Variants in TUBB2A observed in about 807,000 individuals in gnomAD.
TUBB2A encodes tubulin beta 2A class IIa.
In TUBB2A, 7 loss-of-function variants were observed where a neutral mutation model predicts 33.9. The observed-to-expected ratio is 0.21, with a 90% CI of 0.12 to 0.39. The LOEUF is 0.39. TUBB2A is among the 10% of genes least tolerant of loss of function. The pLI, the probability that TUBB2A is intolerant of heterozygous loss-of-function variation, is 1.00. For synonymous variants in TUBB2A, 187 were observed against 247.6 expected, an observed-to-expected ratio of 0.76 and a Z score of 2.30; for missense variants, 80 against 593.4, an observed-to-expected ratio of 0.13 and a Z score of 8.99.
intron 1 of TUBB2A, among the ~76,000 whole-genome samples, chr6:3,156,899 C>T (rs930965239): frequency 1.3e-5 from 2 of 152,220 alleles, no homozygotes; most frequent in African/African-American, 4.8e-5. Context: ...GCGCAGTCAC[C>T]TGCCGCCTCG....
In TUBB2A at chr6:3,155,802, G is replaced by C; in HGVS notation, c.167-67C>G. On this transcript the variant is annotated intron_variant, in intron 2 of 3. Coordinates refer to ENST00000333628, the MANE Select transcript of TUBB2A (RefSeq NM_001069.3). The surrounding 1 kb of genome is among the most constrained non-coding windows in gnomAD (Gnocchi z 4.2). ...GGACTCACAGCAGCATTCAATTCCAGCATCTGAGACAAAAGGAGAACAGGA... is the reference window on the plus strand; with the variant it reads ...GGACTCACAGCAGCATTCAATTCCACCATCTGAGACAAAAGGAGAACAGGA... 7 of 1,432,436 alleles carry C rather than the reference G, an allele frequency of 4.9e-6. No individual in the cohort carries two copies. Among genetic ancestry groups the C allele is most frequent in the Non-Finnish European group, 6.8e-6 (7 of 1,030,108 alleles). The allele number at this position is 1,432,436 out of a possible 1,614,324, so 88.7% of individuals were successfully genotyped here.
At position 3,154,721 on chromosome 6, in the gene TUBB2A, T is replaced by C. The variant is rs1762602282; in HGVS notation, c.480A>G (p.Pro160=). The C allele has an allele frequency of 1.2e-6, 2 of 1,612,030 alleles. No homozygotes were observed. The highest frequency in any genetic ancestry group is 1.7e-5 in the Admixed American group (1 of 59,936). Residue 160 remains proline, a synonymous_variant, in exon 4 of 4, where the codon CCA becomes CCG. Transcript: ENST00000333628. The stretch of plus-strand genomic sequence containing the variant: ...CGCTGAAGGTGTTCATGATGCGGTC[T>C]GGGTACTCTTCCCGGATCTTGCTGA... ...LLISKIREEY[P]DRIMNTFSVM... is the part of the protein sequence containing the mutation.
chr6:3,153,870 T>A lies in TUBB2A; in HGVS notation c.1331A>T (p.Glu444Val), dbSNP rs765549114. 6.2e-6 allele frequency: 10 copies of A among 1,614,014 alleles called. No individual in the cohort carries two copies. In the Admixed American group the frequency reaches 1.5e-4, roughly 24 times the overall value. Reference sequence around the variant, plus strand: ...GATTGATCTGAGAAGTTTTTAAGCCTCGTCCTCGCCCTCCTCCTCCTCGAA... The same window carrying A: ...GATTGATCTGAGAAGTTTTTAAGCCACGTCCTCGCCCTCCTCCTCCTCGAA... ...GEFEEEEGED[E>V]A The change falls in exon 4 of 4, where the codon GAG (glutamate) becomes GTG (valine). Residue 444 changes from glutamate (E) to valine (V), a missense_variant. By Grantham distance (121) the Glu-to-Val change is moderately radical. Coordinates refer to ENST00000333628, the MANE Select transcript of TUBB2A (RefSeq NM_001069.3).
Position 3,155,824 on chromosome 6 carries a change from A to G in TUBB2A, c.167-89T>C. 2.2e-6 allele frequency: 3 copies of G among 1,367,766 alleles called. No homozygotes were observed. The South Asian group carries it at 4.0e-5, about 18-fold the overall frequency. The allele number at this position is 1,367,766 out of a possible 1,614,324, so 84.7% of individuals were successfully genotyped here. On this transcript the variant is annotated intron_variant, in intron 2 of 3. Coordinates refer to ENST00000333628, the MANE Select transcript of TUBB2A (RefSeq NM_001069.3). This position sits in a 1 kb window ranked among gnomAD's most constrained non-coding sequence, Gnocchi z 4.2. Reference sequence around the variant, plus strand: ...CCAGCATCTGAGACAAAAGGAGAACAGGAGATTTTCTGCTTTTAAGAAAAA... The same window carrying G: ...CCAGCATCTGAGACAAAAGGAGAACGGGAGATTTTCTGCTTTTAAGAAAAA...
Position 3,154,484 on chromosome 6 carries a change from G to A in TUBB2A, c.717C>T (p.Cys239=), listed in dbSNP as rs1399672793. The change falls in exon 4 of 4, where the codon TGC becomes TGT. Residue 239 remains cysteine, a synonymous_variant. Coordinates refer to ENST00000333628, the MANE Select transcript of TUBB2A (RefSeq NM_001069.3). ...CGTTCAGCTGGCCCGGGAAGCGCAG[G>A]CAGGTGGTGACCCCGCTCATGGTGG... The part of the protein sequence containing the change: ...VSATMSGVTT[C]LRFPGQLNAD... The A allele has an allele frequency of 2.5e-6, 4 of 1,601,460 alleles. No individual in the cohort carries two copies. Among genetic ancestry groups the A allele is most frequent in the East Asian group, 4.5e-5 (2 of 44,328 alleles).
Position 3,157,487 on chromosome 6 carries a change from C to T in TUBB2A, c.-24G>A, listed in dbSNP as rs746957279. On this transcript the variant is annotated 5_prime_UTR_variant, in exon 1 of 4. Coordinates refer to ENST00000333628, the MANE Select transcript of TUBB2A (RefSeq NM_001069.3). ...ATGGTGCCGGCTGCGGAGCGGGTGG[C>T]GCTGGCCCTCGGAGCGGTGCGCGGC... 13 of 1,502,208 alleles carry T rather than the reference C, an allele frequency of 8.7e-6. No homozygotes were observed. The South Asian group carries it at 1.2e-4, about 14-fold the overall frequency. The allele number at this position is 1,502,208 out of a possible 1,614,324, so 93.1% of individuals were successfully genotyped here.
chr6:3,156,963 G>A (rs1762647061), intron 1 of TUBB2A, among the ~76,000 whole-genome samples: 1 of 152,212 alleles, frequency 6.6e-6, no homozygotes, highest in African/African-American at 2.4e-5. Flanking sequence ...GACAGTGCCC[G>A]AGCAAGGGAA....
At position 3,155,095 on chromosome 6, in the gene TUBB2A, CTG is replaced by C; in HGVS notation, c.278-174_278-173del. 6.9e-7 allele frequency: 1 copy of C among 1,459,266 alleles called. No individual in the cohort carries two copies. The highest frequency in any genetic ancestry group is 9.1e-7 in the Non-Finnish European group (1 of 1,098,522). The allele number at this position is 1,459,266 out of a possible 1,614,324, so 90.4% of individuals were successfully genotyped here. A position where few individuals can be genotyped will look rare whatever the true frequency, so the allele number is the denominator to read the frequency against. On this transcript the variant is annotated intron_variant, in intron 3 of 3. Transcript: ENST00000333628. The surrounding 1 kb of genome is among the most constrained non-coding windows in gnomAD (Gnocchi z 4.2). ...TTCTATGTCAGTGACCTCAAAAACA[CTG>C]GGGATCATAATAAAGTAAGAAGTAA...
In TUBB2A at chr6:3,156,135, G is replaced by A. The variant is rs1762628220; in HGVS notation, c.75C>T (p.Ser25=). The change falls in exon 2 of 4, where the codon AGC becomes AGT. Residue 25 remains serine (S), a synonymous_variant. Coordinates refer to ENST00000333628, the MANE Select transcript of TUBB2A (RefSeq NM_001069.3). ...QIGAKFWEVI[S]DEHGIDPTGS... The stretch of plus-strand genomic sequence containing the variant: ...CTGTGGGGTCGATCCCATGCTCATC[G>A]CTGATGACCTCCCAAAACTGAAATG... 2 of 1,613,760 alleles carry A rather than the reference G, an allele frequency of 1.2e-6. No homozygotes were observed. Among genetic ancestry groups the A allele is most frequent in the South Asian group, 1.1e-5 (1 of 91,058 alleles).
intron 1 of TUBB2A, 39 bp downstream of exon 1, chr6:3,157,368 C>T (rs1167326927): frequency 1.4e-6 from 2 of 1,460,662 alleles, no homozygotes; most frequent in East Asian, 6.2e-5. Context: ...CCCGCACCCT[C>T]GGTCCCAACC....
chr6:3,155,574 T>C lies in TUBB2A; in HGVS notation c.277+51A>G, dbSNP rs762885759. ...TAAGAACTGTGCTTTGCAGGGCTGTTAGGAAGAAGGTGTGTCATTTGGCCA... is the reference window on the plus strand; with the variant it reads ...TAAGAACTGTGCTTTGCAGGGCTGTCAGGAAGAAGGTGTGTCATTTGGCCA... On this transcript the variant is annotated intron_variant, in intron 3 of 3. Transcript: ENST00000333628. This position sits in a 1 kb window ranked among gnomAD's most constrained non-coding sequence, Gnocchi z 4.2. The C allele has an allele frequency of 3.5e-6, 5 of 1,424,658 alleles. No homozygotes were observed. The highest frequency in any genetic ancestry group is 2.4e-5 in the South Asian group (2 of 83,456). 88.3% of individuals were successfully genotyped at this position (1,424,658 alleles called of 1,614,324 possible).
chr6:3,156,729 G>GCC (rs1762641482), intron 1 of TUBB2A, among the ~76,000 whole-genome samples: 1 of 152,236 alleles, frequency 6.6e-6, no homozygotes, highest in Non-Finnish European at 1.5e-5. Flanking sequence ...TGGCCATCGT[G>GCC]AGGGCGCTGG....
Position 3,155,823 on chromosome 6 carries a change from C to T in TUBB2A, c.167-88G>A, listed in dbSNP as rs1762622791. The T allele has an allele frequency of 5.9e-6, 8 of 1,364,082 alleles. No individual in the cohort carries two copies. Among genetic ancestry groups the T allele is most frequent in the Non-Finnish European group, 7.1e-6 (7 of 986,032 alleles). 84.5% of individuals were successfully genotyped at this position (1,364,082 alleles called of 1,614,324 possible). On this transcript the variant is annotated intron_variant, in intron 2 of 3. Coordinates refer to ENST00000333628, the MANE Select transcript of TUBB2A (RefSeq NM_001069.3). This position sits in a 1 kb window ranked among gnomAD's most constrained non-coding sequence, Gnocchi z 4.2. ...TCCAGCATCTGAGACAAAAGGAGAA[C>T]AGGAGATTTTCTGCTTTTAAGAAAA...
In TUBB2A at chr6:3,155,005, G is replaced by A. The variant is rs1486576804; in HGVS notation, c.278-82C>T. Reference sequence around the variant, plus strand: ...CATTTTGACTATGGAGGAGAAGGTAGGACTGGTCTTAGACTGGCAGATTCT... The same window carrying A: ...CATTTTGACTATGGAGGAGAAGGTAAGACTGGTCTTAGACTGGCAGATTCT... On this transcript the variant is annotated intron_variant, in intron 3 of 3. Transcript: ENST00000333628. This position sits in a 1 kb window ranked among gnomAD's most constrained non-coding sequence, Gnocchi z 4.2. 2 of 1,588,822 alleles carry A rather than the reference G, an allele frequency of 1.3e-6. No individual in the cohort carries two copies. Among genetic ancestry groups the A allele is most frequent in the Non-Finnish European group, 1.7e-6 (2 of 1,167,340 alleles).
At chr6:3,157,001 C>A (rs1009161916) in intron 1 of TUBB2A, among the ~76,000 whole-genome samples, 2 of 152,238 alleles carry the variant, frequency 1.3e-5, no homozygotes, top group Non-Finnish European at 2.9e-5. Flanking sequence ...CCTGTACGAC[C>A]CAAAGGGACG....
chr6:3,154,622 C>T lies in TUBB2A; in HGVS notation c.579G>A (p.Val193=). The T allele has an allele frequency of 6.2e-7, 1 of 1,614,132 alleles. No individual in the cohort carries two copies. The highest frequency in any genetic ancestry group is 8.5e-7 in the Non-Finnish European group (1 of 1,179,994). Residue 193 remains valine (V), a synonymous_variant, in exon 4 of 4, where the codon GTG becomes GTA. Coordinates refer to ENST00000333628, the MANE Select transcript of TUBB2A (RefSeq NM_001069.3). The stretch of plus-strand genomic sequence containing the variant: ...TGGAGTAGGTTTCATCTGTGTTTTC[C>T]ACCAGCTGGTGGACAGAGAGGGTGG... The part of the protein sequence containing the change: ...YNATLSVHQL[V]ENTDETYSID...
Position 3,155,157 on chromosome 6 carries a change from G to A in TUBB2A, c.278-234C>T, listed in dbSNP as rs1472218049. The stretch of plus-strand genomic sequence containing the variant: ...ATCTGAGGCTATTGATTGAGGAAGA[G>A]GATAGGGTTAGAAAACTTAATTGGT... On this transcript the variant is annotated intron_variant, in intron 3 of 3. Coordinates refer to ENST00000333628, the MANE Select transcript of TUBB2A (RefSeq NM_001069.3). This position sits in a 1 kb window ranked among gnomAD's most constrained non-coding sequence, Gnocchi z 4.2. 1 of 1,213,514 alleles carries A rather than the reference G, an allele frequency of 8.2e-7. No homozygotes were observed. Among genetic ancestry groups the A allele is most frequent in the East Asian group, 2.6e-5 (1 of 38,930 alleles). The allele number at this position is 1,213,514 out of a possible 1,614,324, so 75.2% of individuals were successfully genotyped here. A position where few individuals can be genotyped will look rare whatever the true frequency, so the allele number is the denominator to read the frequency against.
chr6:3,157,088 C>T (rs1397635414), intron 1 of TUBB2A, among the ~76,000 whole-genome samples: 1 of 152,258 alleles, frequency 6.6e-6, no homozygotes, highest in African/African-American at 2.4e-5. Flanking sequence ...AAATTAAATT[C>T]ACATGAAGCT....
intron 1 of TUBB2A, 146 bp downstream of exon 1, chr6:3,157,261 T>G (rs983839236): frequency 1.0e-6 from 1 of 959,026 alleles, no homozygotes; most frequent in East Asian, 3.9e-5. Flanking sequence ...TGGCGGGTCA[T>G]GCAGCCTCCC....
Sources: allele counts gnomAD v4.1 joint callset (sites outside exome capture counted in the v4.1 genomes callset), GRCh38; gene constraint gnomAD v4.1.1; non-coding constraint Gnocchi (gnomAD v3.1); transcripts MANE v1.5; gene names NCBI Gene and HGNC (gene_info 2026-07-23, HGNC 2026-07-21).